CDC42BPB: variants seen among roughly 807,000 people sequenced by gnomAD.
CDC42BPB encodes the protein CDC42 binding protein kinase beta, also known as serine/threonine-protein kinase MRCK beta.
Under a neutral mutation model 214.9 loss-of-function variants are expected in CDC42BPB, and 37 were observed. The observed-to-expected ratio is 0.17, with a 90% CI of 0.13 to 0.23. The LOEUF (loss-of-function observed/expected upper bound fraction) is 0.23. Among genes scored for constraint, CDC42BPB ranks in the 10% least tolerant of loss-of-function variants. The probability of loss-of-function intolerance (pLI) is 1.00; values close to 1 mark genes in which losing one functional copy is unlikely to be tolerated. For synonymous variants in CDC42BPB, 931 were observed against 884.0 expected, an observed-to-expected ratio of 1.05 and a Z score of -0.94; for missense variants, 1,694 against 2,227.0, an observed-to-expected ratio of 0.76 and a Z score of 4.82.
intron 12 of CDC42BPB, 56 bp downstream of exon 12, chr14:102,973,960 T>C: frequency 6.4e-7 from 1 of 1,553,228 alleles, no homozygotes; most frequent in African/African-American, 1.4e-5. Context: ...GAACGTGACC[T>C]TACAGAATTC....
In CDC42BPB at chr14:102,974,616, G is replaced by A. The variant is rs570499006; in HGVS notation, c.1508-467C>T. ...GTGAGATTCAAAGTGTGCTTTGGAG[G>A]TGAAGGTCAACTGCAGAGCCAACCT... On this transcript the variant is annotated intron_variant, in intron 11 of 36. Transcript: ENST00000361246. 3.3e-5 allele frequency among the ~76,000 whole-genome samples: 5 copies of A among 152,342 alleles called. No individual in the cohort carries two copies. In the East Asian group the frequency reaches 9.6e-4, roughly 29 times the overall value.
intron 26 of CDC42BPB, among the ~76,000 whole-genome samples, chr14:102,949,497 T>A (rs1276842473): frequency 6.6e-6 from 1 of 152,090 alleles, no homozygotes; most frequent in East Asian, 1.9e-4. Context: ...AATTCCCCTG[T>A]GGCAAACTTC....
At chr14:102,981,067 G>C in intron 7 of CDC42BPB, 46 bp from the exon 8 acceptor site, 1 of 1,612,674 alleles carries the variant, frequency 6.2e-7, no homozygotes, top group Non-Finnish European at 8.5e-7. Context: ...GACGCATTCA[G>C]AGAGTTTAAG....
intron 1 of CDC42BPB, among the ~76,000 whole-genome samples, chr14:103,045,613 G>A (rs1318047930): frequency 1.3e-5 from 2 of 152,126 alleles, no homozygotes; most frequent in Non-Finnish European, 2.9e-5. Context: ...GTACAGCCAC[G>A]AGAGAAAAAA....
chr14:102,942,126 G>A (rs34573169), intron 30 of CDC42BPB, among the ~76,000 whole-genome samples: 9,133 of 152,168 alleles, frequency 0.06, 330 homozygotes, highest in African/African-American at 0.094. Flanking sequence ...CCTATGAAGA[G>A]GACAGGGTGT....
At chr14:102,968,805 C>T in intron 14 of CDC42BPB, 89 bp from the exon 15 acceptor site, 1 of 1,556,932 alleles carries the variant, frequency 6.4e-7, no homozygotes, top group Admixed American at 1.8e-5. Flanking sequence ...CAAGCAAGTG[C>T]AGACACCTTC....
chr14:102,941,515 C>G (rs992442465), intron 30 of CDC42BPB: 10 of 985,440 alleles, frequency 1.0e-5, no homozygotes, highest in Non-Finnish European at 1.2e-5. Flanking sequence ...CTCTGAGAAC[C>G]AAGTCAAAAG....
intron 10 of CDC42BPB, 34 bp from the exon 11 acceptor site, chr14:102,975,837 T>C: frequency 6.2e-7 from 1 of 1,613,930 alleles, no homozygotes; most frequent in South Asian, 1.1e-5. Context: ...AGGTGCAGCC[T>C]GGCCGCAGCG....
chr14:103,038,010 C>T (rs1887764194), intron 1 of CDC42BPB, among the ~76,000 whole-genome samples: 1 of 143,894 alleles, frequency 6.9e-6, no homozygotes, highest in South Asian at 2.2e-4. Context: ...GCCTGGGCAA[C>T]AGAGCAAGAC....
intron 1 of CDC42BPB, among the ~76,000 whole-genome samples, chr14:103,040,175 T>C (rs1887905311): frequency 6.6e-6 from 1 of 151,988 alleles, no homozygotes; most frequent in South Asian, 2.1e-4. Context: ...GCCAACATGG[T>C]GAAACCCTGT....
intron 1 of CDC42BPB, among the ~76,000 whole-genome samples, chr14:103,040,437 A>C (rs539190932): frequency 4.4e-4 from 62 of 140,304 alleles, no homozygotes; most frequent in African/African-American, 1.4e-3. Flanking sequence ...CTGAAAACTG[A>C]AACTTTTTTT....
At position 102,970,331 on chromosome 14, in the gene CDC42BPB, C is replaced by T. The variant is rs186302215; in HGVS notation, c.1885-70G>A. ...GCTTCACCAGTTACAGCAGCACCCA[C>T]GGGACCTCCACAAGAACAAGACCTC... is the stretch of plus-strand genomic sequence containing the variant. On this transcript the variant is annotated intron_variant, in intron 13 of 36. Coordinates refer to ENST00000361246, the MANE Select transcript of CDC42BPB (RefSeq NM_006035.4). 2.3e-5 allele frequency: 35 copies of T among 1,532,648 alleles called. No individual in the cohort carries two copies. In the East Asian group the frequency reaches 2.4e-4, roughly 11 times the overall value. The allele number at this position is 1,532,648 out of a possible 1,614,324, so 94.9% of individuals were successfully genotyped here.
At chr14:102,960,674 A>G (rs1032027898) in intron 20 of CDC42BPB, among the ~76,000 whole-genome samples, 5 of 152,196 alleles carry the variant, frequency 3.3e-5, no homozygotes, top group African/African-American at 4.8e-5. Flanking sequence ...ACAATGGAAC[A>G]GGGGAGAAGA....
chr14:103,032,630 CTTTTTTTT>C (rs35712321), intron 1 of CDC42BPB, among the ~76,000 whole-genome samples: 6 of 109,012 alleles, frequency 5.5e-5, no homozygotes, highest in African/African-American at 1.9e-4. Context: ...AACAAATCCA[CTTTTTTTT>C]TTTTTTTTTT....
chr14:103,038,801 A>C (rs1887820636), intron 1 of CDC42BPB, among the ~76,000 whole-genome samples: 1 of 151,442 alleles, frequency 6.6e-6, no homozygotes, highest in Non-Finnish European at 1.5e-5. Context: ...AGCCTCCCAA[A>C]GTACTGGGAT....
At chr14:103,037,406 A>G (rs1257801119) in intron 1 of CDC42BPB, among the ~76,000 whole-genome samples, 1 of 151,940 alleles carries the variant, frequency 6.6e-6, no homozygotes, top group Non-Finnish European at 1.5e-5. Flanking sequence ...CAATCCTCCC[A>G]TCTCAGCCTC....
At chr14:103,012,489 A>T (rs899916719) in intron 1 of CDC42BPB, 1 of 154,272 alleles carries the variant, frequency 6.5e-6, no homozygotes, top group Admixed American at 6.6e-5. Flanking sequence ...CTGTATTTTT[A>T]CCAAATCTTT....
chr14:103,015,104 G>C (rs1886385225), intron 1 of CDC42BPB, among the ~76,000 whole-genome samples: 2 of 152,218 alleles, frequency 1.3e-5, no homozygotes, highest in African/African-American at 4.8e-5. Flanking sequence ...GGCCAGGCTG[G>C]AAGTGGGAGG....
chr14:103,015,038 C>T (rs762696634), intron 1 of CDC42BPB, among the ~76,000 whole-genome samples: 5 of 152,112 alleles, frequency 3.3e-5, no homozygotes, highest in Admixed American at 1.3e-4. Flanking sequence ...TTGTTAATTA[C>T]GTAGTTTAAT....
Sources: allele counts gnomAD v4.1 joint callset (sites outside exome capture counted in the v4.1 genomes callset), GRCh38; gene constraint gnomAD v4.1.1; transcripts MANE v1.5; gene names NCBI Gene and HGNC (gene_info 2026-07-23, HGNC 2026-07-21).